Variants in DLG2 observed in about 807,000 individuals in gnomAD.
The protein encoded by DLG2 is disks large homolog 2.
DLG2 carries 45 observed loss-of-function variants against 132.5 expected under a neutral mutation model. The observed-to-expected ratio is 0.34, with a 90% CI of 0.27 to 0.44. DLG2 has a LOEUF of 0.44. Ranked by LOEUF, DLG2 falls within the 20% of genes least tolerant of loss-of-function variation. The pLI, the probability that DLG2 is intolerant of heterozygous loss-of-function variation, is 1.00. For synonymous variants in DLG2, 424 were observed against 419.6 expected (o/e 1.01, Z -0.13); for missense variants, 1,045 against 1,196.9 (o/e 0.87, Z 1.87).
intron 7 of DLG2, among the ~76,000 whole-genome samples, chr11:84,399,053 A>G (rs1446021459): frequency 6.6e-6 from 1 of 152,204 alleles, no homozygotes; most frequent in Non-Finnish European, 1.5e-5. Context: ...TCAAAAAATG[A>G]AGGAATCATT....
intron 3 of DLG2, among the ~76,000 whole-genome samples, chr11:85,577,271 A>G (rs1378523202): frequency 6.6e-6 from 1 of 152,154 alleles, no homozygotes; most frequent in Non-Finnish European, 1.5e-5. Context: ...TAGACCAGAT[A>G]AGAGACTATA....
At chr11:84,313,312 A>G in intron 7 of DLG2, among the ~76,000 whole-genome samples, 1 of 149,220 alleles carries the variant, frequency 6.7e-6, no homozygotes, top group East Asian at 2.0e-4. Context: ...ACAGGGTTTC[A>G]CTATGTTGGC....
chr11:84,148,770 C>A (rs1303619154), intron 9 of DLG2, among the ~76,000 whole-genome samples: 1 of 151,910 alleles, frequency 6.6e-6, no homozygotes, highest in Non-Finnish European at 1.5e-5. Flanking sequence ...TAGTTCAACT[C>A]TTAGCTCTTT....
At chr11:84,176,605 T>A (rs937538825) in intron 8 of DLG2, among the ~76,000 whole-genome samples, 1 of 151,970 alleles carries the variant, frequency 6.6e-6, no homozygotes, top group African/African-American at 2.4e-5. Context: ...TATCTATTAG[T>A]GTTTCTCAGA....
chr11:83,701,874 A>G (rs1447648264), intron 18 of DLG2, among the ~76,000 whole-genome samples: 1 of 152,272 alleles, frequency 6.6e-6, no homozygotes, highest in Admixed American at 6.5e-5. Context: ...GGGCCACATC[A>G]CATAATGCTG....
intron 6 of DLG2, among the ~76,000 whole-genome samples, chr11:84,777,740 A>T (rs2070934664): frequency 6.6e-6 from 1 of 151,668 alleles, no homozygotes; most frequent in Non-Finnish European, 1.5e-5. Context: ...TTCATATACC[A>T]GTTGTATGTC....
chr11:83,911,863 T>C (rs772273561), intron 15 of DLG2, among the ~76,000 whole-genome samples: 2 of 152,120 alleles, frequency 1.3e-5, no homozygotes, highest in Non-Finnish European at 2.9e-5. Context: ...TTTTTTTTGT[T>C]TTCTTTTTTT....
chr11:85,206,864 T>TA (rs1270592204), intron 4 of DLG2, among the ~76,000 whole-genome samples: 1 of 152,042 alleles, frequency 6.6e-6, no homozygotes, highest in Non-Finnish European at 1.5e-5. Flanking sequence ...TCTTTTTTTT[T>TA]AATTTCAAGT....
chr11:83,885,971 C>A (rs1004421298), intron 15 of DLG2, among the ~76,000 whole-genome samples: 2 of 152,238 alleles, frequency 1.3e-5, no homozygotes. Context: ...AAAGGAACAA[C>A]TGCTACCAGC....
intron 18 of DLG2, among the ~76,000 whole-genome samples, chr11:83,664,821 T>C (rs1217867802): frequency 6.6e-6 from 1 of 152,206 alleles, no homozygotes; most frequent in Non-Finnish European, 1.5e-5. Context: ...GGAAAGGTCC[T>C]CTTCTGAAAG....
At chr11:84,789,877 A>G (rs1029444771) in intron 6 of DLG2, among the ~76,000 whole-genome samples, 6 of 152,042 alleles carry the variant, frequency 3.9e-5, no homozygotes, top group African/African-American at 1.2e-4. Flanking sequence ...TAATATAATG[A>G]CCTCCAATTC....
intron 6 of DLG2, among the ~76,000 whole-genome samples, chr11:84,950,670 C>T (rs763179038): frequency 1.3e-5 from 2 of 151,982 alleles, no homozygotes; most frequent in Non-Finnish European, 1.5e-5. Context: ...TTTCTTTGCT[C>T]TTGCTCCTTT....
At chr11:83,759,763 G>A (rs2093818926) in intron 18 of DLG2, among the ~76,000 whole-genome samples, 1 of 152,084 alleles carries the variant, frequency 6.6e-6, no homozygotes, top group African/African-American at 2.4e-5. Flanking sequence ...ATTTATACTA[G>A]TAGCTAAGAT....
intron 15 of DLG2, among the ~76,000 whole-genome samples, chr11:83,875,980 T>C (rs1246033474): frequency 6.6e-6 from 1 of 152,198 alleles, no homozygotes; most frequent in Non-Finnish European, 1.5e-5. Flanking sequence ...CTGTGTTTCC[T>C]GGTATCCCTC....
chr11:83,710,362 A>C (rs1212117964), intron 18 of DLG2, among the ~76,000 whole-genome samples: 2 of 152,072 alleles, frequency 1.3e-5, no homozygotes, highest in Non-Finnish European at 1.5e-5. Flanking sequence ...GGGTTTCACT[A>C]CATTGGCCAG....
Position 83,517,903 on chromosome 11 carries a change from C to T in DLG2, c.2193+14805G>A, listed in dbSNP as rs138541244. ...GGCAGTGTTGTCTCAGAGGAGTACT[C>T]GGCCATGTGAGGTGTCAGTCTGCCC... On this transcript the variant is annotated intron_variant, in intron 21 of 27. Transcript: ENST00000376104. 2.7e-3 allele frequency among the ~76,000 whole-genome samples: 414 copies of T among 152,280 alleles called. 6 individuals are homozygous for T. Among genetic ancestry groups the T allele is most frequent in the African/African-American group, 9.3e-3 (385 of 41,566 alleles).
At chr11:84,454,603 G>C (rs1349075577) in intron 7 of DLG2, among the ~76,000 whole-genome samples, 1 of 151,410 alleles carries the variant, frequency 6.6e-6, no homozygotes, top group East Asian at 1.9e-4. Flanking sequence ...TGTTCCTTAA[G>C]AGGGAATAAA....
At chr11:83,830,821 C>T (rs1391381139) in intron 17 of DLG2, among the ~76,000 whole-genome samples, 1 of 152,162 alleles carries the variant, frequency 6.6e-6, no homozygotes, top group Admixed American at 6.5e-5. Context: ...ATAACCTATC[C>T]TGCCACTTAG....
intron 7 of DLG2, among the ~76,000 whole-genome samples, chr11:84,530,100 T>C (rs368383363): frequency 1.3e-5 from 2 of 152,088 alleles, no homozygotes; most frequent in Non-Finnish European, 2.9e-5. Context: ...ATACAGAAGA[T>C]TGAAACTGAA....
Sources: allele counts gnomAD v4.1 joint callset (sites outside exome capture counted in the v4.1 genomes callset), GRCh38; gene constraint gnomAD v4.1.1; transcripts MANE v1.5; gene names NCBI Gene and HGNC (gene_info 2026-07-23, HGNC 2026-07-21).